Variants in PLAC1 observed in about 807,000 individuals in gnomAD.
The protein encoded by PLAC1 is placenta associated 1.
For missense variants in PLAC1, 136 were observed against 163.2 expected, an observed-to-expected ratio of 0.83 and a Z score of 0.91; for synonymous variants, 68 against 62.1, an observed-to-expected ratio of 1.09 and a Z score of -0.44.
intron 1 of PLAC1, among the ~76,000 whole-genome samples, chrX:134,761,348 T>C (rs932574518): frequency 6.3e-5 from 7 of 111,858 alleles, no homozygotes; most frequent in Non-Finnish European, 1.1e-4. Flanking sequence ...TGAAGCACAT[T>C]AATGTATTGC....
At chrX:134,624,908 TGATAGATAGATAGATA>T (rs58742246) in intron 1 of PLAC1, among the ~76,000 whole-genome samples, 32 of 103,426 alleles carry the variant, frequency 3.1e-4, no homozygotes, top group African/African-American at 6.4e-4. Context: ...GACAGATAAA[TGATAGATAGATAGATA>T]GATAGATAGA....
chrX:134,673,490 T>C (rs2078463186), intron 2 of PLAC1, among the ~76,000 whole-genome samples: 1 of 110,864 alleles, frequency 9.0e-6, no homozygotes, highest in Non-Finnish European at 1.9e-5. Flanking sequence ...AGAAACTCTG[T>C]CATGTGAAAG....
chrX:134,580,309 G>T (rs1346513525), intron 2 of PLAC1, among the ~76,000 whole-genome samples: 2 of 112,005 alleles, frequency 1.8e-5, no homozygotes. Context: ...GGAGGGAAAT[G>T]GATATATATT....
At chrX:134,659,147 C>G (rs764644001), upstream of PLAC1, among the ~76,000 whole-genome samples, 1 of 109,843 alleles carries the variant, frequency 9.1e-6, no homozygotes, top group Non-Finnish European at 1.9e-5. Context: ...AGCAAACCAC[C>G]ATGGCACATG....
At chrX:134,729,845 GCAAT>G (rs1460643137) in intron 2 of PLAC1, among the ~76,000 whole-genome samples, 2 of 110,719 alleles carry the variant, frequency 1.8e-5, no homozygotes, top group African/African-American at 6.6e-5. Flanking sequence ...AGGCTGGTGT[GCAAT>G]GGCTTGATCT....
chrX:134,721,697 T>C (rs2078657790), intron 2 of PLAC1, among the ~76,000 whole-genome samples: 1 of 107,655 alleles, frequency 9.3e-6, no homozygotes, highest in South Asian at 4.3e-4. Flanking sequence ...ACCCCGTCTC[T>C]ACTAAAAATA....
chrX:134,692,104 G>T (rs921418529), intron 2 of PLAC1, among the ~76,000 whole-genome samples: 1 of 112,003 alleles, frequency 8.9e-6, no homozygotes, highest in Non-Finnish European at 1.9e-5. Context: ...TGGGAAGACG[G>T]ATGGTGACAG....
intron 2 of PLAC1, among the ~76,000 whole-genome samples, chrX:134,682,827 A>AT (rs1249764722): frequency 9.0e-6 from 1 of 111,508 alleles, no homozygotes; most frequent in East Asian, 2.8e-4. Flanking sequence ...AAGTGCTGAG[A>AT]TTACAGGCAT....
At chrX:134,587,580 CAA>C (rs1246585016) in intron 2 of PLAC1, among the ~76,000 whole-genome samples, 1 of 101,115 alleles carries the variant, frequency 9.9e-6, no homozygotes. Flanking sequence ...GACCCTGTTT[CAA>C]AAAAAAAAGC....
At chrX:134,609,661 A>C (rs780636557) in intron 1 of PLAC1, among the ~76,000 whole-genome samples, 1 of 111,911 alleles carries the variant, frequency 8.9e-6, no homozygotes, top group Non-Finnish European at 1.9e-5. Flanking sequence ...TGGAAAGTCC[A>C]AGATCAAGGT....
chrX:134,585,144 A>T (rs1419982533), intron 2 of PLAC1, among the ~76,000 whole-genome samples: 2 of 97,637 alleles, frequency 2.0e-5, no homozygotes, highest in African/African-American at 7.5e-5. Flanking sequence ...ATCCTGGCTA[A>T]CATGGTGAAA....
intron 2 of PLAC1, among the ~76,000 whole-genome samples, chrX:134,583,007 A>G (rs2077981982): frequency 8.9e-6 from 1 of 111,809 alleles, no homozygotes; most frequent in Non-Finnish European, 1.9e-5. Flanking sequence ...AATAATAACG[A>G]TAACACTGCA....
chrX:134,755,301 T>C (rs2078754022), intron 1 of PLAC1, among the ~76,000 whole-genome samples: 1 of 112,569 alleles, frequency 8.9e-6, no homozygotes, highest in East Asian at 2.8e-4. Context: ...GTAGCTCTTA[T>C]TGGTGAGTAT....
At chrX:134,741,208 C>T (rs2078716169) in intron 1 of PLAC1, among the ~76,000 whole-genome samples, 2 of 111,879 alleles carry the variant, frequency 1.8e-5, no homozygotes. Flanking sequence ...TTTGGGTAAA[C>T]AGAAGCTAGC....
At chrX:134,747,262 T>C (rs999539209) in intron 1 of PLAC1, among the ~76,000 whole-genome samples, 1 of 110,642 alleles carries the variant, frequency 9.0e-6, no homozygotes, top group African/African-American at 3.3e-5. Flanking sequence ...AGTTGCTTGT[T>C]TCCTGTGGCT....
intron 2 of PLAC1, among the ~76,000 whole-genome samples, chrX:134,597,054 G>GA (rs2078065415): frequency 9.0e-6 from 1 of 111,017 alleles, no homozygotes; most frequent in African/African-American, 3.3e-5. Flanking sequence ...GCCAAATTTG[G>GA]AAAATTTTCA....
At chrX:134,756,899 A>G (rs1300963517) in intron 1 of PLAC1, among the ~76,000 whole-genome samples, 2 of 111,200 alleles carry the variant, frequency 1.8e-5, no homozygotes, top group Non-Finnish European at 3.8e-5. Context: ...CTATTTCTGG[A>G]CTTTCTGCTT....
intron 2 of PLAC1, among the ~76,000 whole-genome samples, chrX:134,677,883 G>A (rs934314432): frequency 1.8e-5 from 2 of 111,539 alleles, no homozygotes; most frequent in Admixed American, 1.9e-4. Flanking sequence ...AGATAACAGT[G>A]GCTAAGACTG....
At position 134,610,963 on chromosome X, in the gene PLAC1, T is replaced by C. The variant is rs149645730; in HGVS notation, c.-130-8841A>G. Among the ~76,000 whole-genome samples the C allele has an allele frequency of 7.9e-3, 879 of 111,287 alleles. 8 individuals are homozygous for C. Among genetic ancestry groups the C allele is most frequent in the African/African-American group, 0.027 (841 of 30,617 alleles). On this transcript the variant is annotated intron_variant, in intron 1 of 2. Transcript: ENST00000359237. ...CTACCCCAGCCTTCTGAGTAGCTTATAGGCTTATAGGTGTGCATCCTCCTA... is the reference window on the plus strand; with the variant it reads ...CTACCCCAGCCTTCTGAGTAGCTTACAGGCTTATAGGTGTGCATCCTCCTA...
Sources: gnomAD v4.1 joint callset for allele counts (sites outside exome capture counted in the v4.1 genomes callset) on GRCh38, gnomAD v4.1.1 for gene constraint, MANE v1.5 for transcripts, NCBI Gene and HGNC (gene_info 2026-07-23, HGNC 2026-07-21) for gene names.